CASK: variants seen among roughly 807,000 people sequenced by gnomAD.
CASK encodes the protein peripheral plasma membrane protein CASK.
A neutral mutation model predicts 82.9 loss-of-function variants in CASK; 4 were observed. The ratio of observed to expected loss-of-function variants is 0.05; its 90% CI spans 0.02 to 0.11. The LOEUF (loss-of-function observed/expected upper bound fraction) is 0.11, where lower values mean the gene tolerates loss of function less well. Among genes scored for constraint, CASK ranks in the 10% least tolerant of loss-of-function variants. The pLI is 1.00. For synonymous variants in CASK, 259 were observed against 253.5 expected (o/e 1.02, Z -0.20); for missense variants, 358 against 720.9 (o/e 0.50, Z 5.76).
At chrX:41,602,717 G>A (rs2065909512) in intron 12 of CASK, among the ~76,000 whole-genome samples, 1 of 101,626 alleles carries the variant, frequency 9.8e-6, no homozygotes, top group Non-Finnish European at 2.0e-5. Context: ...TATGCTTAGC[G>A]GCTTTTTTTT....
intron 3 of CASK, among the ~76,000 whole-genome samples, chrX:41,769,484 C>T (rs1286225037): frequency 9.0e-6 from 1 of 111,231 alleles, no homozygotes. Flanking sequence ...CTCTCCAGCA[C>T]TGAGCTGATG....
intron 5 of CASK, among the ~76,000 whole-genome samples, chrX:41,708,201 T>C (rs1229679314): frequency 1.8e-5 from 2 of 110,713 alleles, no homozygotes; most frequent in African/African-American, 6.6e-5. Flanking sequence ...GAAGTGACTA[T>C]AGTCGAGGAT....
chrX:41,735,538 T>A (rs1458452562), intron 5 of CASK, among the ~76,000 whole-genome samples: 3 of 110,818 alleles, frequency 2.7e-5, no homozygotes, highest in African/African-American at 9.9e-5. Flanking sequence ...ATTGGCATAA[T>A]CTCCAAAATA....
At chrX:41,812,132 A>G (rs1443560722) in intron 2 of CASK, among the ~76,000 whole-genome samples, 2 of 111,826 alleles carry the variant, frequency 1.8e-5, no homozygotes, top group African/African-American at 6.5e-5. Context: ...AGGACCCGAC[A>G]GATTCACAGC....
In CASK at chrX:41,609,822, G is replaced by A. The variant is rs767022287; in HGVS notation, c.1155+82C>T. The A allele has an allele frequency of 6.6e-6, 7 of 1,055,965 alleles. No homozygotes were observed. The East Asian group carries it at 2.2e-4, about 33-fold the overall frequency. The allele number at this position is 1,055,965 out of a possible 1,213,427, so 87.0% of individuals were successfully genotyped here. On this transcript the variant is annotated intron_variant, in intron 12 of 26. Coordinates refer to ENST00000378163, the MANE Select transcript of CASK (RefSeq NM_001367721.1). ...TACGCCCGCCTCTGCCTCCCAAAGT[G>A]CTTGGACTACAGGCATGAGCCACCG... is the stretch of plus-strand genomic sequence containing the variant.
intron 3 of CASK, among the ~76,000 whole-genome samples, chrX:41,777,400 G>A (rs2069385621): frequency 2.8e-5 from 3 of 108,660 alleles, no homozygotes; most frequent in South Asian, 4.0e-4. Flanking sequence ...GCTGAGGCAC[G>A]AGAATTGCTT....
chrX:41,865,051 G>C (rs1355378912), intron 1 of CASK, among the ~76,000 whole-genome samples: 1 of 112,123 alleles, frequency 8.9e-6, no homozygotes, highest in Non-Finnish European at 1.9e-5. Flanking sequence ...AGGCGACATA[G>C]TAAAATCAAA....
chrX:41,698,781 T>G (rs2067738413), intron 5 of CASK, among the ~76,000 whole-genome samples: 1 of 111,716 alleles, frequency 9.0e-6, no homozygotes, highest in African/African-American at 3.3e-5. Flanking sequence ...TATCATGGTG[T>G]ATAAAATTTT....
chrX:41,551,987 C>T lies in CASK; in HGVS notation c.2039+1732G>A, dbSNP rs376527295. On this transcript the variant is annotated intron_variant, in intron 21 of 26. Transcript: ENST00000378163. ...TGTCGTCCAGGCTAGAGTGCAGTGG[C>T]GCGATCACGGCTCACTGCAACTTCC... 2.0e-4 allele frequency among the ~76,000 whole-genome samples: 21 copies of T among 106,652 alleles called. No homozygotes were observed. In the East Asian group the frequency reaches 4.5e-3, roughly 23 times the overall value. The allele number at this position is 106,652 out of a possible 115,157, so 92.6% of individuals were successfully genotyped here.
intron 16 of CASK, 184 bp from the exon 17 acceptor site, chrX:41,561,828 A>G: frequency 2.4e-6 from 1 of 423,095 alleles, no homozygotes; most frequent in South Asian, 3.7e-5. Context: ...CAAAACAGAT[A>G]TATCTACTTG....
intron 8 of CASK, among the ~76,000 whole-genome samples, chrX:41,646,114 A>T (rs2066754076): frequency 9.0e-6 from 1 of 111,409 alleles, no homozygotes; most frequent in African/African-American, 3.3e-5. Context: ...TATCTTCCGG[A>T]AACATCAGCT....
At chrX:41,702,664 C>T (rs1302927657) in intron 5 of CASK, among the ~76,000 whole-genome samples, 1 of 110,170 alleles carries the variant, frequency 9.1e-6, no homozygotes, top group Non-Finnish European at 1.9e-5. Context: ...TGTGGTGGCA[C>T]GCACCTGTAG....
At chrX:41,870,371 G>C (rs2071684260) in intron 1 of CASK, among the ~76,000 whole-genome samples, 1 of 111,731 alleles carries the variant, frequency 9.0e-6, no homozygotes. Context: ...TTTATAACCA[G>C]GGAAAATAAT....
intron 5 of CASK, among the ~76,000 whole-genome samples, chrX:41,678,514 T>A (rs1300513500): frequency 8.9e-6 from 1 of 112,061 alleles, no homozygotes; most frequent in Non-Finnish European, 1.9e-5. Context: ...TAATACTTCA[T>A]AGGTGATATA....
intron 1 of CASK, among the ~76,000 whole-genome samples, chrX:41,866,959 C>T (rs1371275446): frequency 9.0e-6 from 1 of 111,450 alleles, no homozygotes; most frequent in Non-Finnish European, 1.9e-5. Context: ...ACATATACAT[C>T]CTCACTCACT....
chrX:41,591,600 G>A (rs1318894206), intron 12 of CASK, among the ~76,000 whole-genome samples: 1 of 110,884 alleles, frequency 9.0e-6, no homozygotes, highest in African/African-American at 3.3e-5. Flanking sequence ...TCAGCCTCCT[G>A]AGTAGCTGGG....
intron 1 of CASK, among the ~76,000 whole-genome samples, chrX:41,873,283 CAAA>C (rs1175165867): frequency 1.3e-4 from 4 of 31,293 alleles, no homozygotes; most frequent in African/African-American, 3.7e-4. Context: ...TTCTTCCTCA[CAAA>C]AAAAAAAAAA....
chrX:41,689,815 G>A (rs1348462137), intron 5 of CASK: 4 of 111,718 alleles, frequency 3.6e-5, no homozygotes, highest in Non-Finnish European at 7.5e-5. Context: ...ACGGTGAAAG[G>A]TTGCGACTAT....
intron 16 of CASK, among the ~76,000 whole-genome samples, chrX:41,564,211 T>C (rs2065275664): frequency 8.9e-6 from 1 of 112,434 alleles, no homozygotes; most frequent in African/African-American, 3.2e-5. Context: ...CAGCAGATTC[T>C]GAAAGAGCAT....
Sources: gnomAD v4.1 joint callset for allele counts (sites outside exome capture counted in the v4.1 genomes callset) on GRCh38, gnomAD v4.1.1 for gene constraint, MANE v1.5 for transcripts, NCBI Gene and HGNC (gene_info 2026-07-23, HGNC 2026-07-21) for gene names.